MICAL2: variants seen among roughly 807,000 people sequenced by gnomAD.
MICAL2 encodes the protein [F-actin]-monooxygenase MICAL2.
In MICAL2, 77 loss-of-function variants were observed where a neutral mutation model predicts 127.3. The ratio of observed to expected loss-of-function variants is 0.60; its 90% CI spans 0.50 to 0.73. The LOEUF is 0.73. Ranked by LOEUF, MICAL2 falls within the 30% of genes least tolerant of loss-of-function variation. MICAL2 has a pLI of 0.00. For missense variants in MICAL2, 1,351 were observed against 1,434.4 expected (o/e 0.94, Z 0.94); for synonymous variants, 570 against 551.1 (o/e 1.03, Z -0.48).
chr11:12,192,678 T>A (rs1486560143), intron 3 of MICAL2, among the ~76,000 whole-genome samples: 1 of 152,088 alleles, frequency 6.6e-6, no homozygotes, highest in Non-Finnish European at 1.5e-5. Flanking sequence ...CTTGGGAGGC[T>A]GAGGCAGGAG....
chr11:12,271,150 A>T (rs1219291593), upstream of MICAL2, among the ~76,000 whole-genome samples: 1 of 152,122 alleles, frequency 6.6e-6, no homozygotes, highest in Non-Finnish European at 1.5e-5. Flanking sequence ...GCCAGAGCTG[A>T]GATGAGGCTG....
intron 32 of MICAL2, among the ~76,000 whole-genome samples, chr11:12,347,375 T>G (rs577938239): frequency 6.6e-6 from 1 of 152,346 alleles, no homozygotes; most frequent in Admixed American, 6.5e-5. Flanking sequence ...TCCTTTTTGG[T>G]AGGCACAATG....
At chr11:12,354,873 C>A (rs1224797033) in intron 34 of MICAL2, 7 of 1,611,286 alleles carry the variant, frequency 4.3e-6, no homozygotes, top group Non-Finnish European at 5.9e-6. Flanking sequence ...TATGCTTGGG[C>A]CTTTGTTGAG....
At chr11:12,169,089 T>G (rs990321035) in intron 3 of MICAL2, among the ~76,000 whole-genome samples, 1 of 152,002 alleles carries the variant, frequency 6.6e-6, no homozygotes, top group African/African-American at 2.4e-5. Context: ...TTTTCTCCAC[T>G]CCCCCAGTTT....
intron 30 of MICAL2, among the ~76,000 whole-genome samples, chr11:12,321,832 C>G (rs572222643): frequency 1.3e-5 from 2 of 152,240 alleles, no homozygotes; most frequent in African/African-American, 4.8e-5. Context: ...CAATTCCCCC[C>G]ACCTTTCGCC....
chr11:12,351,790 C>CTT (rs765474919), intron 33 of MICAL2, among the ~76,000 whole-genome samples: 1 of 145,128 alleles, frequency 6.9e-6, no homozygotes, highest in African/African-American at 2.5e-5. Context: ...TGTATTATAA[C>CTT]TTTTTTTTTT....
At chr11:12,123,839 C>T (rs1414635051) in intron 1 of MICAL2, among the ~76,000 whole-genome samples, 4 of 152,048 alleles carry the variant, frequency 2.6e-5, no homozygotes, top group Non-Finnish European at 5.9e-5. Context: ...CTGAACATGC[C>T]TTAGTTTGTT....
downstream of MICAL2, among the ~76,000 whole-genome samples, chr11:12,265,531 A>G (rs1863590537): frequency 6.6e-6 from 1 of 152,246 alleles, no homozygotes; most frequent in Non-Finnish European, 1.5e-5. Flanking sequence ...AATGTAGAGT[A>G]ATAAAATATT....
chr11:12,337,592 G>T (rs1007406515), intron 32 of MICAL2, among the ~76,000 whole-genome samples: 1 of 151,956 alleles, frequency 6.6e-6, no homozygotes, highest in Non-Finnish European at 1.5e-5. Context: ...TGGGCATTTA[G>T]TGCTATAAAT....
rs532865025 is a variant in MICAL2 at position 12,237,189 on chromosome 11, G to A, written c.2064+944G>A. Reference sequence around the variant, plus strand: ...CAACCCATTATCTGTGATGGTCAAAGGGAAGCGCTGACAAAGAAAAACGAG... The same window carrying A: ...CAACCCATTATCTGTGATGGTCAAAAGGAAGCGCTGACAAAGAAAAACGAG... On this transcript the variant is annotated intron_variant, in intron 16 of 27. Coordinates refer to ENST00000683283, the MANE Select transcript of MICAL2 (RefSeq NM_001282663.2). Among the ~76,000 whole-genome samples the A allele has an allele frequency of 1.5e-3, 231 of 152,322 alleles. 1 individual carries two copies. Among genetic ancestry groups the A allele is most frequent in the Middle Eastern group, 3.4e-3 (1 of 294 alleles).
intron 32 of MICAL2, among the ~76,000 whole-genome samples, chr11:12,336,007 G>C (rs542457464): frequency 6.6e-6 from 1 of 152,314 alleles, no homozygotes; most frequent in South Asian, 2.1e-4. Context: ...TTGGTAGCTT[G>C]ATGGGGATGG....
intron 29 of MICAL2, among the ~76,000 whole-genome samples, chr11:12,312,933 G>A (rs533875874): frequency 1.3e-3 from 194 of 152,170 alleles, no homozygotes; most frequent in African/African-American, 4.4e-3. Context: ...TTGGGAGGCC[G>A]AGATGGGCGG....
At chr11:12,239,334 C>A in intron 16 of MICAL2, 102 bp from the exon 17 acceptor site, 1 of 1,501,058 alleles carries the variant, frequency 6.7e-7, no homozygotes, top group Non-Finnish European at 9.2e-7. Flanking sequence ...TGGAGGGAGC[C>A]CTTCTGCGGG....
chr11:12,246,733 A>T (rs1860807831), intron 21 of MICAL2, among the ~76,000 whole-genome samples: 1 of 152,132 alleles, frequency 6.6e-6, no homozygotes, highest in Non-Finnish European at 1.5e-5. Flanking sequence ...TCCACCCCTG[A>T]GTACCTGGGA....
At chr11:12,224,601 G>T in intron 12 of MICAL2, 72 bp from the exon 13 acceptor site, 2 of 1,559,060 alleles carry the variant, frequency 1.3e-6, no homozygotes, top group South Asian at 1.2e-5. Context: ...TGGTGGCAAT[G>T]AGAAGGGAGC....
intron 3 of MICAL2, among the ~76,000 whole-genome samples, chr11:12,174,167 GT>G (rs35663099): frequency 0.51 from 76,067 of 150,358 alleles, 20,200 homozygotes; most frequent in Middle Eastern, 0.66. Context: ...TGAGTTTGAG[GT>G]TTTTTTCAAG....
chr11:12,232,415 A>G (rs1565212723), intron 15 of MICAL2, among the ~76,000 whole-genome samples: 1 of 152,152 alleles, frequency 6.6e-6, no homozygotes, highest in Non-Finnish European at 1.5e-5. Context: ...CAGAAGTAGA[A>G]CTCAGATGTT....
intron 29 of MICAL2, among the ~76,000 whole-genome samples, chr11:12,309,905 G>A (rs1864152043): frequency 1.3e-5 from 2 of 151,936 alleles, no homozygotes; most frequent in South Asian, 2.1e-4. Context: ...ATTGTGGTTC[G>A]GATTTGCATT....
At chr11:12,256,019 G>A (rs553845900) in intron 23 of MICAL2, 1 of 408,074 alleles carries the variant, frequency 2.5e-6, no homozygotes, top group Admixed American at 3.7e-5. Flanking sequence ...TGGTAGAAAG[G>A]CCCAGGTGAG....
Sources: allele counts gnomAD v4.1 joint callset (sites outside exome capture counted in the v4.1 genomes callset), GRCh38; gene constraint gnomAD v4.1.1; transcripts MANE v1.5; gene names NCBI Gene and HGNC (gene_info 2026-07-23, HGNC 2026-07-21).